Variants in PCDH9 observed in about 807,000 individuals in gnomAD.
The protein encoded by PCDH9 is protocadherin-9.
PCDH9 carries 24 observed loss-of-function variants against 70.6 expected under a neutral mutation model. That is an observed-to-expected ratio of 0.34 (90% CI 0.25 to 0.48). The LOEUF (loss-of-function observed/expected upper bound fraction) is 0.48. Among genes scored for constraint, PCDH9 ranks in the 20% least tolerant of loss-of-function variants. The pLI is 0.99. For synonymous variants in PCDH9, 562 were observed against 558.5 expected, an observed-to-expected ratio of 1.01 and a Z score of -0.09; for missense variants, 1,281 against 1,503.6, an observed-to-expected ratio of 0.85 and a Z score of 2.45.
At chr13:67,150,316 C>T (rs1449883919) in intron 2 of PCDH9, among the ~76,000 whole-genome samples, 1 of 152,192 alleles carries the variant, frequency 6.6e-6, no homozygotes, top group East Asian at 1.9e-4. Flanking sequence ...GGATTACAGG[C>T]ATGAGCCACT....
intron 4 of PCDH9, among the ~76,000 whole-genome samples, chr13:66,459,724 A>G (rs376471325): frequency 6.6e-6 from 1 of 152,102 alleles, no homozygotes; most frequent in East Asian, 1.9e-4. Context: ...ATGTATTCGC[A>G]TGCTTTAAGC....
At chr13:66,701,240 G>A (rs2078643026) in intron 3 of PCDH9, among the ~76,000 whole-genome samples, 1 of 151,342 alleles carries the variant, frequency 6.6e-6, no homozygotes, top group Non-Finnish European at 1.5e-5. Flanking sequence ...TTGCATCATG[G>A]CTACTGTGAA....
chr13:67,031,580 G>A (rs1325973066), intron 2 of PCDH9, among the ~76,000 whole-genome samples: 1 of 152,178 alleles, frequency 6.6e-6, no homozygotes, highest in East Asian at 1.9e-4. Flanking sequence ...CTACTAGGGA[G>A]GCTGAGGCAG....
At chr13:66,487,211 C>T (rs1958959036) in intron 4 of PCDH9, among the ~76,000 whole-genome samples, 1 of 152,164 alleles carries the variant, frequency 6.6e-6, no homozygotes, top group Admixed American at 6.5e-5. Context: ...TCAAGCCGTA[C>T]TTTGAATAGG....
At chr13:67,002,468 TAA>T (rs997728109) in intron 2 of PCDH9, among the ~76,000 whole-genome samples, 58 of 151,996 alleles carry the variant, frequency 3.8e-4, no homozygotes, top group African/African-American at 1.3e-3. Flanking sequence ...TTAAATTTAT[TAA>T]GTCTGTCCTA....
intron 2 of PCDH9, among the ~76,000 whole-genome samples, chr13:66,974,967 A>G (rs1376171295): frequency 6.6e-6 from 1 of 152,064 alleles, no homozygotes; most frequent in Non-Finnish European, 1.5e-5. Context: ...ATATGACACT[A>G]ATAAAAGCCT....
intron 3 of PCDH9, among the ~76,000 whole-genome samples, chr13:66,903,062 A>G (rs911284715): frequency 4.0e-5 from 6 of 151,882 alleles, no homozygotes; most frequent in Non-Finnish European, 7.4e-5. Flanking sequence ...TTAAAATTCA[A>G]ATTTAACTAG....
intron 2 of PCDH9, among the ~76,000 whole-genome samples, chr13:67,191,200 A>G (rs556355271): frequency 2.4e-4 from 36 of 152,256 alleles, no homozygotes; most frequent in Non-Finnish European, 4.7e-4. Context: ...TCCACAAGTA[A>G]TACAAATATA....
intron 3 of PCDH9, among the ~76,000 whole-genome samples, chr13:66,685,480 A>C (rs115820411): frequency 0.017 from 2,591 of 152,272 alleles, 85 homozygotes; most frequent in African/African-American, 0.059. Flanking sequence ...GCCCTCATGG[A>C]GACCTTCTGC....
chr13:66,330,465 T>G (rs1243944829), intron 4 of PCDH9, among the ~76,000 whole-genome samples: 1 of 152,200 alleles, frequency 6.6e-6, no homozygotes, highest in Non-Finnish European at 1.5e-5. Context: ...CAGACTCTTA[T>G]TCTTTCTGCC....
chr13:66,455,633 G>A (rs1443444025), intron 4 of PCDH9, among the ~76,000 whole-genome samples: 1 of 151,972 alleles, frequency 6.6e-6, no homozygotes, highest in Non-Finnish European at 1.5e-5. Context: ...TGCTCAGTGG[G>A]TCTATTCATT....
At chr13:66,428,604 A>G (rs1394699289) in intron 4 of PCDH9, among the ~76,000 whole-genome samples, 1 of 151,778 alleles carries the variant, frequency 6.6e-6, no homozygotes, top group East Asian at 1.9e-4. Context: ...ATCCTTATTT[A>G]TAAATCAGGG....
chr13:66,597,252 A>G (rs1314258557), intron 4 of PCDH9, among the ~76,000 whole-genome samples: 2 of 151,770 alleles, frequency 1.3e-5, no homozygotes, highest in East Asian at 1.9e-4. Flanking sequence ...ATTTACAGAA[A>G]TGGAAAAAAA....
At chr13:66,858,442 CT>C (rs1207386444) in intron 3 of PCDH9, among the ~76,000 whole-genome samples, 1 of 152,128 alleles carries the variant, frequency 6.6e-6, no homozygotes, top group Non-Finnish European at 1.5e-5. Flanking sequence ...TCAAATCCAT[CT>C]TGTGCCATGT....
At chr13:67,217,090 A>G (rs1313044602) in intron 2 of PCDH9, 2 of 152,146 alleles carry the variant, frequency 1.3e-5, no homozygotes, top group African/African-American at 4.8e-5. Context: ...TATCACACAG[A>G]GGCACAGATT....
intron 2 of PCDH9, among the ~76,000 whole-genome samples, chr13:67,112,237 TC>T (rs772132101): frequency 2.6e-5 from 4 of 152,230 alleles, no homozygotes; most frequent in African/African-American, 4.8e-5. Flanking sequence ...TTAAACTGAC[TC>T]TGAACATTTA....
Position 66,533,171 on chromosome 13 carries a change from G to A in PCDH9, c.3340+98039C>T, listed in dbSNP as rs552275294. Among the ~76,000 whole-genome samples the A allele has an allele frequency of 3.3e-5, 5 of 152,184 alleles. No homozygotes were observed. In the South Asian group the frequency reaches 6.2e-4, roughly 19 times the overall value. On this transcript the variant is annotated intron_variant, in intron 4 of 4. Transcript: ENST00000377865. ...GCTTCACTTGAAACGATGGTGAAAC[G>A]GAACCAGCTGTTTCCAGATAATCAT...
chr13:66,595,499 T>C (rs942645431), intron 4 of PCDH9, among the ~76,000 whole-genome samples: 10 of 151,862 alleles, frequency 6.6e-5, no homozygotes, highest in African/African-American at 1.9e-4. Context: ...CTTTCTGTGT[T>C]TGCAGTCTCT....
intron 4 of PCDH9, among the ~76,000 whole-genome samples, chr13:66,535,708 C>T (rs541500123): frequency 1.3e-5 from 2 of 152,166 alleles, no homozygotes; most frequent in South Asian, 2.1e-4. Flanking sequence ...GGATCGTAGA[C>T]TCAAGAGACT....
Sources: allele counts gnomAD v4.1 joint callset (sites outside exome capture counted in the v4.1 genomes callset), GRCh38; gene constraint gnomAD v4.1.1; transcripts MANE v1.5; gene names NCBI Gene and HGNC (gene_info 2026-07-23, HGNC 2026-07-21).